The following NPAS3 variants were observed in gnomAD, a reference collection of about 807,000 sequenced individuals.
NPAS3 encodes neuronal PAS domain-containing protein 3.
NPAS3 carries 14 observed loss-of-function variants against 73.1 expected under a neutral mutation model. The observed-to-expected ratio is 0.19, with a 90% CI of 0.13 to 0.30. The LOEUF (loss-of-function observed/expected upper bound fraction) is 0.30. Among genes scored for constraint, NPAS3 ranks in the 10% least tolerant of loss-of-function variants. NPAS3 has a pLI of 1.00. For missense variants in NPAS3, 1,096 were observed against 1,250.0 expected (o/e 0.88, Z 1.86); for synonymous variants, 620 against 541.5 (o/e 1.14, Z -2.01).
chr14:33,649,409 C>T (rs1460803835), intron 5 of NPAS3, among the ~76,000 whole-genome samples: 2 of 152,202 alleles, frequency 1.3e-5, no homozygotes, highest in African/African-American at 4.8e-5. Flanking sequence ...GAAAGCCCTT[C>T]AAAATCTGAC....
At chr14:33,466,464 T>A (rs1455061469) in intron 4 of NPAS3, among the ~76,000 whole-genome samples, 1 of 152,212 alleles carries the variant, frequency 6.6e-6, no homozygotes, top group Non-Finnish European at 1.5e-5. Context: ...TCACCGTTGT[T>A]CATCTAGCAA....
At chr14:33,466,676 G>C (rs765858938) in intron 4 of NPAS3, among the ~76,000 whole-genome samples, 37 of 152,248 alleles carry the variant, frequency 2.4e-4, no homozygotes, top group Middle Eastern at 6.8e-3. Context: ...ATTTACAATC[G>C]TGGTGGAAGG....
At chr14:33,427,820 A>G (rs752976826) in intron 4 of NPAS3, among the ~76,000 whole-genome samples, 3 of 152,104 alleles carry the variant, frequency 2.0e-5, no homozygotes, top group Non-Finnish European at 4.4e-5. Flanking sequence ...TTGCAGATCA[A>G]TATTCTTATA....
intron 6 of NPAS3, among the ~76,000 whole-genome samples, chr14:33,687,194 C>A (rs549529604): frequency 4.2e-4 from 64 of 152,212 alleles, no homozygotes; most frequent in Middle Eastern, 3.4e-3. Flanking sequence ...TGACTGGAAT[C>A]GATGATGCCG....
intron 5 of NPAS3, among the ~76,000 whole-genome samples, chr14:33,621,928 C>T (rs1194538451): frequency 6.6e-6 from 1 of 152,136 alleles, no homozygotes; most frequent in African/African-American, 2.4e-5. Context: ...TTGAAATAAA[C>T]TCCTGCTTGG....
intron 1 of NPAS3, among the ~76,000 whole-genome samples, chr14:33,021,852 G>GCATC (rs2039609091): frequency 6.6e-6 from 1 of 152,106 alleles, no homozygotes; most frequent in African/African-American, 2.4e-5. Context: ...AGTGGTAATA[G>GCATC]AACAATAACT....
intron 3 of NPAS3, among the ~76,000 whole-genome samples, chr14:33,315,141 G>T (rs2043156613): frequency 6.6e-6 from 1 of 152,010 alleles, no homozygotes; most frequent in Admixed American, 6.6e-5. Context: ...TGAAGCTATT[G>T]TCAGATAGGT....
At chr14:33,515,070 T>G (rs762403780) in intron 4 of NPAS3, among the ~76,000 whole-genome samples, 1 of 152,108 alleles carries the variant, frequency 6.6e-6, no homozygotes, top group Non-Finnish European at 1.5e-5. Flanking sequence ...TCCAGGTGTC[T>G]TCATTTTTAG....
intron 3 of NPAS3, among the ~76,000 whole-genome samples, chr14:33,355,386 C>T (rs144850319): frequency 0.011 from 1,599 of 152,138 alleles, 31 homozygotes; most frequent in African/African-American, 0.036. Context: ...CTGCATCCTC[C>T]GCCTCCCAGG....
intron 3 of NPAS3, among the ~76,000 whole-genome samples, chr14:33,283,100 C>T (rs566188660): frequency 2.0e-5 from 3 of 152,310 alleles, no homozygotes; most frequent in Admixed American, 6.5e-5. Context: ...ATGCATATTA[C>T]TGATTCTATG....
At chr14:33,472,746 C>A (rs1483818969) in intron 4 of NPAS3, among the ~76,000 whole-genome samples, 1 of 149,980 alleles carries the variant, frequency 6.7e-6, no homozygotes, top group Non-Finnish European at 1.5e-5. Context: ...TTCAGAGAAA[C>A]CTGTGTGAAA....
At chr14:33,663,665 G>T (rs139230487) in intron 5 of NPAS3, among the ~76,000 whole-genome samples, 1 of 152,080 alleles carries the variant, frequency 6.6e-6, no homozygotes, top group Non-Finnish European at 1.5e-5. Context: ...CTATGAATCC[G>T]TCTGGTCCTG....
At chr14:33,631,819 T>A (rs2140139560) in intron 5 of NPAS3, among the ~76,000 whole-genome samples, 1 of 152,338 alleles carries the variant, frequency 6.6e-6, no homozygotes, top group South Asian at 2.1e-4. Context: ...ACTGTGTTTG[T>A]ATTTGATGGT....
At chr14:33,340,444 G>A (rs1018380693) in intron 3 of NPAS3, among the ~76,000 whole-genome samples, 5 of 152,186 alleles carry the variant, frequency 3.3e-5, no homozygotes, top group Admixed American at 1.3e-4. Flanking sequence ...GCAGTGAGCC[G>A]AGATCGTGCC....
chr14:33,349,763 C>T (rs1041786179), intron 3 of NPAS3, among the ~76,000 whole-genome samples: 5 of 152,184 alleles, frequency 3.3e-5, no homozygotes, highest in East Asian at 3.8e-4. Context: ...GTCCTTTTCC[C>T]GTCCTGATGG....
chr14:33,057,570 G>A (rs907447427), intron 2 of NPAS3, among the ~76,000 whole-genome samples: 1 of 152,188 alleles, frequency 6.6e-6, no homozygotes, highest in Non-Finnish European at 1.5e-5. Flanking sequence ...CTTAGAGGCT[G>A]AGATTTGTCA....
At chr14:33,440,400 C>T (rs1362273862) in intron 4 of NPAS3, among the ~76,000 whole-genome samples, 1 of 152,140 alleles carries the variant, frequency 6.6e-6, no homozygotes, top group Non-Finnish European at 1.5e-5. Flanking sequence ...TGTCCCCCGA[C>T]CAAGGGTGCT....
chr14:33,111,629 G>A (rs2042895155), intron 2 of NPAS3, among the ~76,000 whole-genome samples: 1 of 142,778 alleles, frequency 7.0e-6, no homozygotes, highest in Non-Finnish European at 1.5e-5. Flanking sequence ...CATTATTGAA[G>A]ACCTGCACAG....
chr14:33,061,096 A>G (rs887971810), intron 2 of NPAS3, among the ~76,000 whole-genome samples: 2 of 152,212 alleles, frequency 1.3e-5, no homozygotes, highest in South Asian at 4.1e-4. Flanking sequence ...TACAAGACAG[A>G]GTGCTAACCA....
Sources: allele counts gnomAD v4.1 joint callset (sites outside exome capture counted in the v4.1 genomes callset), GRCh38; gene constraint gnomAD v4.1.1; transcripts MANE v1.5; gene names NCBI Gene and HGNC (gene_info 2026-07-23, HGNC 2026-07-21).